Variants in SNX31 observed in about 807,000 individuals in gnomAD.
SNX31 encodes sorting nexin 31, also known as sorting nexin-31.
SNX31 carries 58 observed loss-of-function variants against 65.4 expected under a neutral mutation model. That is an observed-to-expected ratio of 0.89 (90% CI 0.72 to 1.10). The LOEUF (loss-of-function observed/expected upper bound fraction) is 1.10. SNX31 is among the 50% of genes least tolerant of loss of function. SNX31 has a pLI of 0.00. For missense variants in SNX31, 523 were observed against 529.7 expected, an observed-to-expected ratio of 0.99 and a Z score of 0.12; for synonymous variants, 181 against 190.1, an observed-to-expected ratio of 0.95 and a Z score of 0.39.
At chr8:100,605,435 T>C (rs1816058001) in intron 8 of SNX31, among the ~76,000 whole-genome samples, 1 of 152,188 alleles carries the variant, frequency 6.6e-6, no homozygotes, top group Non-Finnish European at 1.5e-5. Context: ...GGAACAATGA[T>C]GATGATGATG....
At chr8:100,615,688 G>A (rs1817110675) in intron 5 of SNX31, among the ~76,000 whole-genome samples, 1 of 152,242 alleles carries the variant, frequency 6.6e-6, no homozygotes, top group African/African-American at 2.4e-5. Context: ...TAGTAGTATA[G>A]TAGGCATGTT....
intron 2 of SNX31, among the ~76,000 whole-genome samples, chr8:100,639,896 A>T (rs1819038315): frequency 6.6e-6 from 1 of 152,220 alleles, no homozygotes; most frequent in Non-Finnish European, 1.5e-5. Context: ...GTAAGGAAAC[A>T]TTCAAAACAA....
Position 100,585,539 on chromosome 8 carries a change from A to G in SNX31, c.1093-1351T>C, listed in dbSNP as rs11986376. Among the ~76,000 whole-genome samples, 1,264 of 152,220 alleles carry G rather than the reference A, an allele frequency of 8.3e-3. 29 individuals are homozygous for G. The highest frequency in any genetic ancestry group is 0.029 in the African/African-American group (1,221 of 41,524). ...TCAATGTCTTCCAGGGGTGTAGAGC[A>G]TTACAGGAATTAATTTTATTTAAAA... On this transcript the variant is annotated intron_variant, in intron 11 of 13. Coordinates refer to ENST00000311812, the MANE Select transcript of SNX31 (RefSeq NM_152628.4).
upstream of SNX31, chr8:100,649,725 C>A (rs1224362311): frequency 6.4e-6 from 3 of 467,274 alleles, no homozygotes; most frequent in African/African-American, 2.1e-5. Flanking sequence ...CCAGCCCCGC[C>A]GCTCTGGTCC....
Position 100,573,224 on chromosome 8 carries a change from A to G in SNX31, c.*641T>C, listed in dbSNP as rs1465673687. On this transcript the variant is annotated 3_prime_UTR_variant, in exon 14 of 14. Transcript: ENST00000311812. ...AGTACTCTAAGGACAGAATAAAATT[A>G]TAACAATGGTCAAGCAGAGAACAGG... The G allele has an allele frequency of 1.3e-5, 2 of 149,172 alleles. No homozygotes were observed. The highest frequency in any genetic ancestry group is 5.2e-5 in the African/African-American group (2 of 38,278). The allele number at this position is 149,172 out of a possible 1,614,324, so 9.2% of individuals were successfully genotyped here. A position where few individuals can be genotyped will look rare whatever the true frequency, so the allele number is the denominator to read the frequency against.
At chr8:100,591,897 C>T (rs1158790179) in intron 10 of SNX31, among the ~76,000 whole-genome samples, 1 of 152,074 alleles carries the variant, frequency 6.6e-6, no homozygotes, top group South Asian at 2.1e-4. Flanking sequence ...AAATCTAATG[C>T]TCTTTAAAGG....
intron 3 of SNX31, among the ~76,000 whole-genome samples, chr8:100,634,472 C>T (rs2131206013): frequency 6.6e-6 from 1 of 152,246 alleles, no homozygotes; most frequent in South Asian, 2.1e-4. Context: ...GTAGGCCAGG[C>T]ATGGTGGCTC....
In SNX31 at chr8:100,617,728, A is replaced by G; in HGVS notation, c.324T>C (p.Asn108=). ...CTTTCTTGGTGGCGATGTCAAATGT[A>G]TTCTATAAGCAAAAGAAAAGCAAAA... The part of the protein sequence containing the change: ...FVEFLKLAQL[N]TFDIATKKAY... The change falls in exon 5 of 14, where the codon AAT becomes AAC. Residue 108 remains asparagine (N), a splice_region_variant and synonymous_variant. Coordinates refer to ENST00000311812, the MANE Select transcript of SNX31 (RefSeq NM_152628.4). 1.2e-6 allele frequency: 2 copies of G among 1,600,076 alleles called. No homozygotes were observed. Among genetic ancestry groups the G allele is most frequent in the East Asian group, 2.2e-5 (1 of 44,748 alleles).
At position 100,594,106 on chromosome 8, in the gene SNX31, C is replaced by T. The variant is rs1814839751; in HGVS notation, c.978+2533G>A. Among the ~76,000 whole-genome samples, 1 of 151,938 alleles carries T rather than the reference C, an allele frequency of 6.6e-6. No individual in the cohort carries two copies. The highest frequency in any genetic ancestry group is 6.6e-5 in the Admixed American group (1 of 15,254). On this transcript the variant is annotated intron_variant, in intron 10 of 13. Transcript: ENST00000311812. This position sits in a 1 kb window ranked among gnomAD's most constrained non-coding sequence, Gnocchi z 4.0. ...TTGTTTGAGGTCAGGAGTTTGAGAC[C>T]AGCCAGGACAACGTGGTGAAACCTC...
chr8:100,636,145 G>A lies in SNX31; in HGVS notation c.142-134C>T, dbSNP rs113957673. ...ATTAAGCTTTCCTGGTAGCCCAAAG[G>A]GGGAAAAGAGGACAATCTGATTTTC... On this transcript the variant is annotated intron_variant, in intron 2 of 13. Transcript: ENST00000311812. 3,323 of 601,016 alleles carry A rather than the reference G, an allele frequency of 5.5e-3. 82 individuals carry two copies. The highest frequency in any genetic ancestry group is 0.054 in the African/African-American group (2,945 of 54,066). 37.2% of individuals were successfully genotyped at this position (601,016 alleles called of 1,614,324 possible).
At chr8:100,662,570 G>A (rs1018895810) in intron 1 of SNX31, among the ~76,000 whole-genome samples, 20 of 152,122 alleles carry the variant, frequency 1.3e-4, no homozygotes, top group Non-Finnish European at 2.2e-4. Context: ...TGTGGCAGGC[G>A]CCTATAATCC....
chr8:100,616,976 C>T (rs1369492375), intron 5 of SNX31, among the ~76,000 whole-genome samples: 1 of 152,048 alleles, frequency 6.6e-6, no homozygotes, highest in Non-Finnish European at 1.5e-5. Context: ...GGGAGCTTGC[C>T]CCCAGGCAGC....
At chr8:100,582,947 A>G (rs1346655668) in intron 12 of SNX31, among the ~76,000 whole-genome samples, 1 of 151,306 alleles carries the variant, frequency 6.6e-6, no homozygotes, top group Admixed American at 6.6e-5. Context: ...GCACCACTGC[A>G]CTCCAGCCTG....
At position 100,640,021 on chromosome 8, in the gene SNX31, C is replaced by T. The variant is rs146401747; in HGVS notation, c.142-4010G>A. 5.5e-3 allele frequency among the ~76,000 whole-genome samples: 835 copies of T among 152,178 alleles called. 15 individuals are homozygous for T. Among genetic ancestry groups the T allele is most frequent in the African/African-American group, 0.019 (789 of 41,462 alleles). On this transcript the variant is annotated intron_variant, in intron 2 of 13. Coordinates refer to ENST00000311812, the MANE Select transcript of SNX31 (RefSeq NM_152628.4). ...AACCAAGTAGTAGTGAAATATGACC[C>T]AAAGTATAAAGTGAATATCCATGAG...
In SNX31 at chr8:100,588,467, T is replaced by C. The variant is rs1814254584; in HGVS notation, c.1092+399A>G. ...CCACCATCTGTTTCTATAAATAAAG[T>C]TTTATTGGAACATAGCCAGACTCAC... On this transcript the variant is annotated intron_variant, in intron 11 of 13. Transcript: ENST00000311812. This position sits in a 1 kb window ranked among gnomAD's most constrained non-coding sequence, Gnocchi z 4.8. Among the ~76,000 whole-genome samples the C allele has an allele frequency of 6.6e-6, 1 of 152,138 alleles. No homozygotes were observed. Among genetic ancestry groups the C allele is most frequent in the East Asian group, 1.9e-4 (1 of 5,202 alleles).
chr8:100,574,170 C>T (rs1472953366), intron 13 of SNX31, among the ~76,000 whole-genome samples: 1 of 152,190 alleles, frequency 6.6e-6, no homozygotes, highest in African/African-American at 2.4e-5. Flanking sequence ...AGAGCACCGC[C>T]TACTGGTTTT....
At chr8:100,615,388 C>G (rs1817079941) in intron 5 of SNX31, among the ~76,000 whole-genome samples, 1 of 152,158 alleles carries the variant, frequency 6.6e-6, no homozygotes, top group South Asian at 2.1e-4. Context: ...TAAATAAACA[C>G]AACTGCCATT....
At position 100,649,265 on chromosome 8, in the gene SNX31, T is replaced by G; in HGVS notation, c.141+9A>C. 1 of 1,613,568 alleles carries G rather than the reference T, an allele frequency of 6.2e-7. No homozygotes were observed. Among genetic ancestry groups the G allele is most frequent in the Non-Finnish European group, 8.5e-7 (1 of 1,179,580 alleles). The stretch of plus-strand genomic sequence containing the variant: ...TGGATGGGCTCGTACCCGCCTCCAA[T>G]CTGCTCACCTGTTCGTTCCAACCGT... On this transcript the variant is annotated intron_variant, in intron 2 of 13. Coordinates refer to ENST00000311812, the MANE Select transcript of SNX31 (RefSeq NM_152628.4).
rs1445148489 is a variant in SNX31 at position 100,610,144 on chromosome 8, C to T, written c.612-1581G>A. On this transcript the variant is annotated intron_variant, in intron 7 of 13. Coordinates refer to ENST00000311812, the MANE Select transcript of SNX31 (RefSeq NM_152628.4). The surrounding 1 kb of genome is among the most constrained non-coding windows in gnomAD (Gnocchi z 4.0). ...AACCTCCTTTCTTCCCAGTTCCCATCAACAGAGGCAATCTGCCTAGATCTG... is the reference window on the plus strand; with the variant it reads ...AACCTCCTTTCTTCCCAGTTCCCATTAACAGAGGCAATCTGCCTAGATCTG... Among the ~76,000 whole-genome samples the T allele has an allele frequency of 6.6e-6, 1 of 152,220 alleles. No individual in the cohort carries two copies. Among genetic ancestry groups the T allele is most frequent in the Non-Finnish European group, 1.5e-5 (1 of 68,040 alleles).
Sources: gnomAD v4.1 joint callset for allele counts (sites outside exome capture counted in the v4.1 genomes callset) on GRCh38, gnomAD v4.1.1 for gene constraint, Gnocchi (gnomAD v3.1) non-coding constraint, MANE v1.5 for transcripts, NCBI Gene and HGNC (gene_info 2026-07-23, HGNC 2026-07-21) for gene names.